The following SLC16A6 variants were observed in gnomAD, a reference collection of about 807,000 sequenced individuals.
SLC16A6 encodes the protein solute carrier family 16 member 6, also known as monocarboxylate transporter 7.
Under a neutral mutation model 33.8 loss-of-function variants are expected in SLC16A6, and 15 were observed. The observed-to-expected ratio is 0.44, with a 90% CI of 0.30 to 0.68. SLC16A6 has a LOEUF of 0.68. SLC16A6 is among the 30% of genes least tolerant of loss of function. The probability of loss-of-function intolerance (pLI) is 0.10; values close to 1 mark genes in which losing one functional copy is unlikely to be tolerated. For missense variants in SLC16A6, 451 were observed against 661.5 expected (o/e 0.68, Z 3.49); for synonymous variants, 219 against 248.4 (o/e 0.88, Z 1.11).
At chr17:68,281,523 C>A (rs568741126) in intron 1 of SLC16A6, among the ~76,000 whole-genome samples, 1 of 151,932 alleles carries the variant, frequency 6.6e-6, no homozygotes, top group African/African-American at 2.4e-5. Flanking sequence ...TGCAGTGAGC[C>A]GAGATCGTGC....
At chr17:68,281,033 C>T (rs138948366) in intron 1 of SLC16A6, among the ~76,000 whole-genome samples, 20 of 150,120 alleles carry the variant, frequency 1.3e-4, no homozygotes, top group African/African-American at 4.4e-4. Flanking sequence ...GGCTGAGGGA[C>T]GAGGATTGCT....
chr17:68,273,825 G>A, intron 3 of SLC16A6, 102 bp downstream of exon 3: 3 of 1,389,346 alleles, frequency 2.2e-6, no homozygotes, highest in Middle Eastern at 1.8e-4. Context: ...AAGAAAAAAA[G>A]AAAGAGAAAG....
chr17:68,271,456 A>G lies in SLC16A6; in HGVS notation c.704T>C (p.Ile235Thr), dbSNP rs1555748684. The change falls in exon 5 of 6, where the codon ATA (isoleucine) becomes ACA (threonine). Residue 235 changes from isoleucine (I) to threonine (T), a missense_variant. By Grantham distance (89) the Ile-to-Thr change is moderately conservative. Coordinates refer to ENST00000580666, the MANE Select transcript of SLC16A6 (RefSeq NM_004694.5). The surrounding 1 kb of genome is among the most constrained non-coding windows in gnomAD (Gnocchi z 5.3). ...MLENEKTRTS[I>T]DSIDSGVELT... ...TTCTACTCCTGAGTCAATGGAGTCT[A>G]TTGAGGTTCGTGTTTTCTCATTTTC... The G allele has an allele frequency of 2.5e-6, 4 of 1,614,122 alleles. No homozygotes were observed. The highest frequency in any genetic ancestry group is 1.7e-5 in the Admixed American group (1 of 60,008).
At position 68,271,336 on chromosome 17, in the gene SLC16A6, C is replaced by T. The variant is rs1184435185; in HGVS notation, c.824G>A (p.Arg275Lys). Residue 275 changes from arginine (R) to lysine (K), a missense_variant, in exon 5 of 6, where the codon AGG becomes AAG. By Grantham distance (26) the Arg-to-Lys change is conservative (BLOSUM62 2). This residue lies in a region of SLC16A6 where 405 missense variants were observed against 510.7 expected (regional missense o/e 0.79). Coordinates refer to ENST00000580666, the MANE Select transcript of SLC16A6 (RefSeq NM_004694.5). This position sits in a 1 kb window ranked among gnomAD's most constrained non-coding sequence, Gnocchi z 5.3. ...MQQVLVKTSPRPSEKKAPLLD... is the reference protein window; with the variant it reads ...MQQVLVKTSPKPSEKKAPLLD... ...TAGCGGGGCTTTCTTTTCGCTTGGCCTGGGGCTGGTCTTCACCAGGACCTG... is the reference window on the plus strand; with the variant it reads ...TAGCGGGGCTTTCTTTTCGCTTGGCTTGGGGCTGGTCTTCACCAGGACCTG... The T allele has an allele frequency of 6.2e-7, 1 of 1,614,222 alleles. No homozygotes were observed. Among genetic ancestry groups the T allele is most frequent in the East Asian group, 2.2e-5 (1 of 44,874 alleles).
chr17:68,288,676 T>C lies in SLC16A6; in HGVS notation c.-8+2410A>G, dbSNP rs144642535. ...GAGCTTAGATCTCTTCCTGCCCTAA[T>C]AGTCTATACTTCTATGACAGCCTTT... On this transcript the variant is annotated intron_variant, in intron 1 of 5. Transcript: ENST00000580666. Among the ~76,000 whole-genome samples the C allele has an allele frequency of 6.0e-4, 92 of 152,354 alleles. 1 individual carries two copies. In the East Asian group the frequency reaches 0.011, roughly 19 times the overall value.
In SLC16A6 at chr17:68,271,590, C is replaced by G; in HGVS notation, c.570G>C (p.Gln190His). 1 of 1,614,152 alleles carries G rather than the reference C, an allele frequency of 6.2e-7. No homozygotes were observed. Among genetic ancestry groups the G allele is most frequent in the Non-Finnish European group, 8.5e-7 (1 of 1,180,006 alleles). The change falls in exon 5 of 6, where the codon CAG becomes CAC. Residue 190 changes from glutamine to histidine, a missense_variant. Gln to His is a conservative substitution (Grantham distance 24). Coordinates refer to ENST00000580666, the MANE Select transcript of SLC16A6 (RefSeq NM_004694.5). The surrounding 1 kb of genome is among the most constrained non-coding windows in gnomAD (Gnocchi z 5.3). ...RYSLLFVGLL[Q>H]LNIVIFGALL... ...GTGCTCCGAAGATGACAATGTTTAA[C>G]TGTAGTAGGCCCACGAAGAGGAGGC... is the stretch of plus-strand genomic sequence containing the variant.
At chr17:68,277,607 T>A (rs2075566379) in intron 2 of SLC16A6, among the ~76,000 whole-genome samples, 1 of 152,176 alleles carries the variant, frequency 6.6e-6, no homozygotes, top group African/African-American at 2.4e-5. Flanking sequence ...TTTTTCTATT[T>A]TCAGTAGAGA....
chr17:68,268,382 G>C lies in SLC16A6; in HGVS notation c.*714C>G, dbSNP rs1238118281. 4 of 152,076 alleles carry C rather than the reference G, an allele frequency of 2.6e-5. No homozygotes were observed. The highest frequency in any genetic ancestry group is 9.7e-5 in the African/African-American group (4 of 41,260). The allele number at this position is 152,076 out of a possible 1,614,324, so 9.4% of individuals were successfully genotyped here. On this transcript the variant is annotated 3_prime_UTR_variant, in exon 6 of 6. Coordinates refer to ENST00000580666, the MANE Select transcript of SLC16A6 (RefSeq NM_004694.5). The stretch of plus-strand genomic sequence containing the variant: ...TACTGAAACACTTCTGATAAGGACT[G>C]GCCATAAAAAGAAGTGGTAATCTTC...
At chr17:68,285,573 G>A (rs1465033186) in intron 1 of SLC16A6, 3 of 152,302 alleles carry the variant, frequency 2.0e-5, no homozygotes, top group Non-Finnish European at 2.9e-5. Flanking sequence ...GGGAGGCTGC[G>A]GTGGGAGAAC....
chr17:68,291,229 G>C (rs1207433942), upstream of SLC16A6: 1 of 151,404 alleles, frequency 6.6e-6, no homozygotes, highest in African/African-American at 2.4e-5. Flanking sequence ...AAGTTGGCTC[G>C]GGCTGGTGAG....
intron 1 of SLC16A6, among the ~76,000 whole-genome samples, chr17:68,286,371 T>C (rs1185757560): frequency 6.6e-6 from 1 of 152,230 alleles, no homozygotes; most frequent in Non-Finnish European, 1.5e-5. Context: ...CAATTCCTTT[T>C]TGTAAAATCT....
chr17:68,282,791 A>AAAAAAAAAAAAAAG (rs2075736356), intron 1 of SLC16A6, among the ~76,000 whole-genome samples: 1 of 147,982 alleles, frequency 6.8e-6, no homozygotes. Flanking sequence ...AAAAAAAAAA[A>AAAAAAAAAAAAAAG]AAAAAAAAAG....
intron 1 of SLC16A6, among the ~76,000 whole-genome samples, chr17:68,283,826 C>T (rs1254931484): frequency 5.8e-5 from 8 of 137,608 alleles, no homozygotes; most frequent in East Asian, 2.2e-4. Flanking sequence ...TGTGGTGAGC[C>T]GAGATCGTGC....
At chr17:68,269,874 T>C (rs1555747886) in intron 5 of SLC16A6, among the ~76,000 whole-genome samples, 1 of 151,974 alleles carries the variant, frequency 6.6e-6, no homozygotes, top group Non-Finnish European at 1.5e-5. Context: ...GGTTTTGCCA[T>C]GTTGGCCAGG....
In SLC16A6 at chr17:68,278,171, A is replaced by G; in HGVS notation, c.150T>C (p.Asn50=). The change falls in exon 2 of 6, where the codon AAT becomes AAC. Residue 50 remains asparagine (N), a synonymous_variant. Transcript: ENST00000580666. ...GIIKTFGVFF[N]DLMDSFNESN... is the part of the protein sequence containing the mutation. ...ATTCATTAAAACTGTCCATTAAGTC[A>G]TTAAAGAAGACACCAAATGTCTTGA... 1.9e-6 allele frequency: 3 copies of G among 1,614,228 alleles called. No individual in the cohort carries two copies. The highest frequency in any genetic ancestry group is 2.5e-6 in the Non-Finnish European group (3 of 1,180,006).
At chr17:68,290,726 G>A (rs1555755510) in intron 1 of SLC16A6, among the ~76,000 whole-genome samples, 3 of 152,322 alleles carry the variant, frequency 2.0e-5, no homozygotes, top group Non-Finnish European at 2.9e-5. Context: ...CGGAAAATCC[G>A]CGGAGGGGCT....
At chr17:68,282,777 A>C (rs1187889124) in intron 1 of SLC16A6, among the ~76,000 whole-genome samples, 1 of 135,582 alleles carries the variant, frequency 7.4e-6, no homozygotes, top group Non-Finnish European at 1.6e-5. Context: ...CCCCATCTCT[A>C]CTAAAAAAAA....
At chr17:68,273,886 T>A in intron 3 of SLC16A6, 41 bp downstream of exon 3, 1 of 1,597,858 alleles carries the variant, frequency 6.3e-7, no homozygotes, top group Non-Finnish European at 8.6e-7. Flanking sequence ...TTCTTCAAAC[T>A]AAGTGTCTAG....
At chr17:68,278,878 C>T (rs2075609550) in intron 1 of SLC16A6, among the ~76,000 whole-genome samples, 1 of 152,108 alleles carries the variant, frequency 6.6e-6, no homozygotes, top group African/African-American at 2.4e-5. Flanking sequence ...CCTTGACCTC[C>T]CAAAATGCTG....
Sources: allele counts gnomAD v4.1 joint callset (sites outside exome capture counted in the v4.1 genomes callset), GRCh38; gene constraint gnomAD v4.1.1; regional missense constraint gnomAD v4.1.1; non-coding constraint Gnocchi (gnomAD v3.1); transcripts MANE v1.5; gene names NCBI Gene and HGNC (gene_info 2026-07-23, HGNC 2026-07-21).